The following DLG2 variants were observed in gnomAD, a reference collection of about 807,000 sequenced individuals.
The protein encoded by DLG2 is discs large MAGUK scaffold protein 2.
DLG2 carries 45 observed loss-of-function variants against 132.5 expected under a neutral mutation model. The observed-to-expected ratio is 0.34, with a 90% CI of 0.27 to 0.44. DLG2 has a LOEUF of 0.44. DLG2 is among the 20% of genes least tolerant of loss of function. The pLI, the probability that DLG2 is intolerant of heterozygous loss-of-function variation, is 1.00. For synonymous variants in DLG2, 424 were observed against 419.6 expected, an observed-to-expected ratio of 1.01 and a Z score of -0.13; for missense variants, 1,045 against 1,196.9, an observed-to-expected ratio of 0.87 and a Z score of 1.87.
At chr11:83,845,095 C>G (rs537930131) in intron 16 of DLG2, among the ~76,000 whole-genome samples, 1 of 152,020 alleles carries the variant, frequency 6.6e-6, no homozygotes, top group African/African-American at 2.4e-5. Context: ...AGGCCCAGAT[C>G]TAGTATAACG....
intron 18 of DLG2, among the ~76,000 whole-genome samples, chr11:83,712,523 G>T (rs192125773): frequency 6.6e-6 from 1 of 152,014 alleles, no homozygotes; most frequent in African/African-American, 2.4e-5. Flanking sequence ...CCAGCTACTC[G>T]GGAGGCTGAG....
At chr11:83,763,688 T>C (rs954852282) in intron 18 of DLG2, among the ~76,000 whole-genome samples, 9 of 152,204 alleles carry the variant, frequency 5.9e-5, no homozygotes, top group African/African-American at 2.2e-4. Context: ...TACCTTATAG[T>C]TAAAATAGGC....
intron 3 of DLG2, among the ~76,000 whole-genome samples, chr11:85,397,023 A>G (rs932098717): frequency 2.6e-5 from 4 of 152,198 alleles, no homozygotes; most frequent in Non-Finnish European, 4.4e-5. Context: ...AAGGGCATCC[A>G]AAGAGAGAGG....
chr11:84,804,647 C>G lies in DLG2; in HGVS notation c.358-269916G>C, dbSNP rs573586662. Among the ~76,000 whole-genome samples, 4 of 152,306 alleles carry G rather than the reference C, an allele frequency of 2.6e-5. No homozygotes were observed. In the East Asian group the frequency reaches 7.7e-4, roughly 29 times the overall value. On this transcript the variant is annotated intron_variant, in intron 6 of 27. Coordinates refer to ENST00000376104, the MANE Select transcript of DLG2 (RefSeq NM_001142699.3). ...AAACATCAACAGAGGCACACAAGAACAGCCCTAACTAAAGCCTGTCTTCTT... is the reference window on the plus strand; with the variant it reads ...AAACATCAACAGAGGCACACAAGAAGAGCCCTAACTAAAGCCTGTCTTCTT...
intron 3 of DLG2, among the ~76,000 whole-genome samples, chr11:85,465,945 C>G (rs1452425119): frequency 2.6e-5 from 4 of 152,096 alleles, no homozygotes; most frequent in Non-Finnish European, 4.4e-5. Context: ...GTTCCCATTT[C>G]TCCACATCCT....
intron 3 of DLG2, among the ~76,000 whole-genome samples, chr11:85,384,466 A>C (rs2086158684): frequency 6.6e-6 from 1 of 152,208 alleles, no homozygotes; most frequent in Non-Finnish European, 1.5e-5. Flanking sequence ...CTAGTTACTT[A>C]ACTTGAGCAT....
At chr11:84,671,558 G>A (rs1039914328) in intron 6 of DLG2, among the ~76,000 whole-genome samples, 1 of 152,254 alleles carries the variant, frequency 6.6e-6, no homozygotes, top group African/African-American at 2.4e-5. Flanking sequence ...AAACACTGCT[G>A]AAAATTCCTG....
chr11:83,665,357 GT>G (rs1240394666), intron 18 of DLG2, among the ~76,000 whole-genome samples: 1 of 152,214 alleles, frequency 6.6e-6, no homozygotes, highest in African/African-American at 2.4e-5. Flanking sequence ...AGATACGACA[GT>G]GAATAAGGCA....
chr11:83,973,095 T>C (rs189553859), intron 12 of DLG2, among the ~76,000 whole-genome samples: 68 of 152,246 alleles, frequency 4.5e-4, no homozygotes, highest in African/African-American at 1.5e-3. Context: ...GAGAAAAACA[T>C]TTGCATTTCT....
chr11:84,495,512 T>A (rs1318958892), intron 7 of DLG2, among the ~76,000 whole-genome samples: 2 of 152,184 alleles, frequency 1.3e-5, no homozygotes, highest in Non-Finnish European at 2.9e-5. Context: ...TGGGTCTTAT[T>A]CATTTTATCA....
intron 6 of DLG2, among the ~76,000 whole-genome samples, chr11:84,856,249 A>C (rs1418821651): frequency 6.6e-6 from 1 of 152,098 alleles, no homozygotes; most frequent in Non-Finnish European, 1.5e-5. Flanking sequence ...ATCCTGTGAA[A>C]GTACGTTCAT....
chr11:83,811,500 T>A (rs774764401), intron 17 of DLG2, among the ~76,000 whole-genome samples: 1 of 152,156 alleles, frequency 6.6e-6, no homozygotes, highest in South Asian at 2.1e-4. Context: ...TTAATGTAAA[T>A]AGCATGTACA....
At chr11:84,356,553 T>A (rs994054973) in intron 7 of DLG2, among the ~76,000 whole-genome samples, 1 of 152,108 alleles carries the variant, frequency 6.6e-6, no homozygotes, top group Non-Finnish European at 1.5e-5. Flanking sequence ...TGCCTTATTC[T>A]CTTACCTGTA....
At chr11:85,156,851 ATTGT>A (rs1175912517) in intron 4 of DLG2, among the ~76,000 whole-genome samples, 3 of 152,168 alleles carry the variant, frequency 2.0e-5, no homozygotes, top group Non-Finnish European at 4.4e-5. Flanking sequence ...GCCCTTATTC[ATTGT>A]TTGTACATTT....
At chr11:83,823,793 A>C (rs1239665217) in intron 17 of DLG2, among the ~76,000 whole-genome samples, 1 of 152,160 alleles carries the variant, frequency 6.6e-6, no homozygotes, top group Non-Finnish European at 1.5e-5. Context: ...CGTTGCTTCT[A>C]AGTGCCTCAA....
intron 3 of DLG2, among the ~76,000 whole-genome samples, chr11:85,528,957 C>G (rs2074991850): frequency 6.6e-6 from 1 of 152,074 alleles, no homozygotes; most frequent in Admixed American, 6.6e-5. Context: ...ATAGACTGAA[C>G]AAATTGTGGA....
intron 6 of DLG2, among the ~76,000 whole-genome samples, chr11:84,620,715 G>T (rs541728823): frequency 1.3e-5 from 2 of 152,118 alleles, no homozygotes; most frequent in South Asian, 4.1e-4. Flanking sequence ...ATTTTGTGTT[G>T]ATGATGTGAA....
intron 7 of DLG2, among the ~76,000 whole-genome samples, chr11:84,394,034 C>A (rs543418094): frequency 3.8e-4 from 58 of 152,090 alleles, no homozygotes; most frequent in African/African-American, 1.4e-3. Context: ...TACAGGCATG[C>A]ATCAACACGC....
intron 9 of DLG2, among the ~76,000 whole-genome samples, chr11:84,116,806 T>C (rs1367485689): frequency 6.6e-6 from 1 of 152,236 alleles, no homozygotes; most frequent in African/African-American, 2.4e-5. Context: ...CAGTATATTT[T>C]AAGTGTCAAA....
Sources: gnomAD v4.1 joint callset for allele counts (sites outside exome capture counted in the v4.1 genomes callset) on GRCh38, gnomAD v4.1.1 for gene constraint, MANE v1.5 for transcripts, NCBI Gene and HGNC (gene_info 2026-07-23, HGNC 2026-07-21) for gene names.